Variants in SPOCK2 observed in about 807,000 individuals in gnomAD.
The protein encoded by SPOCK2 is SPARC (osteonectin), cwcv and kazal like domains proteoglycan 2, also known as testican-2.
A neutral mutation model predicts 60.1 loss-of-function variants in SPOCK2; 39 were observed. The observed-to-expected ratio is 0.65, with a 90% CI of 0.50 to 0.85. SPOCK2 has a LOEUF of 0.85. Among genes scored for constraint, SPOCK2 ranks in the 40% least tolerant of loss-of-function variants. The pLI is 0.00. For synonymous variants in SPOCK2, 217 were observed against 231.5 expected, an observed-to-expected ratio of 0.94 and a Z score of 0.57; for missense variants, 523 against 567.4, an observed-to-expected ratio of 0.92 and a Z score of 0.80.
rs1333724171 is a variant in SPOCK2 at position 72,061,388 on chromosome 10, G to C, written c.*1372C>G. The C allele has an allele frequency of 2.0e-5, 3 of 152,476 alleles. No individual in the cohort carries two copies. The highest frequency in any genetic ancestry group is 4.4e-5 in the Non-Finnish European group (3 of 68,260). 9.4% of individuals were successfully genotyped at this position (152,476 alleles called of 1,614,324 possible). A position where few individuals can be genotyped will look rare whatever the true frequency, so the allele number is the denominator to read the frequency against. On this transcript the variant is annotated 3_prime_UTR_variant, in exon 11 of 11. Transcript: ENST00000373109. Reference sequence around the variant, plus strand: ...GAAGCCCCTCTGCGGGGCAGCCCTAGGGAATCCTCAGAGGGGCCAGAAGGA... The same window carrying C: ...GAAGCCCCTCTGCGGGGCAGCCCTACGGAATCCTCAGAGGGGCCAGAAGGA...
rs1333572236 is a variant in SPOCK2, at chr10:72,087,564, T to C, written c.189+576A>G. Among the ~76,000 whole-genome samples, 1 of 152,050 alleles carries C rather than the reference T, an allele frequency of 6.6e-6. No homozygotes were observed. The highest frequency in any genetic ancestry group is 1.5e-5 in the Non-Finnish European group (1 of 67,990). ...CGGACACGCCTTCCACCATCTCGCCTAGAAGGCTGCTGGGACCCCAGACCC... is the reference window on the plus strand; with the variant it reads ...CGGACACGCCTTCCACCATCTCGCCCAGAAGGCTGCTGGGACCCCAGACCC... On this transcript the variant is annotated intron_variant, in intron 1 of 10. Coordinates refer to ENST00000373109, the MANE Select transcript of SPOCK2 (RefSeq NM_001244950.2). This position sits in a 1 kb window ranked among gnomAD's most constrained non-coding sequence, Gnocchi z 4.7.
At chr10:72,072,695 C>A (rs1564548280) in intron 2 of SPOCK2, 147 bp from the exon 3 acceptor site, 3 of 1,366,872 alleles carry the variant, frequency 2.2e-6, no homozygotes, top group Non-Finnish European at 3.1e-6. Context: ...CCACCCAGGC[C>A]CTGCCAGCTG....
chr10:72,062,642 TC>T lies in SPOCK2; in HGVS notation c.*117del, dbSNP rs1383483125. 11 of 1,501,972 alleles carry T rather than the reference TC, an allele frequency of 7.3e-6. No homozygotes were observed. In the East Asian group the frequency reaches 1.8e-4, roughly 25 times the overall value. The allele number at this position is 1,501,972 out of a possible 1,614,324, so 93.0% of individuals were successfully genotyped here. On this transcript the variant is annotated 3_prime_UTR_variant, in exon 11 of 11. Transcript: ENST00000373109. This position sits in a 1 kb window ranked among gnomAD's most constrained non-coding sequence, Gnocchi z 4.3. The stretch of plus-strand genomic sequence containing the variant: ...ATGCCATGCACACTCACACTCCCAG[TC>T]CCCCCAGGTGGAGCAGGGTCCTTCT...
At chr10:72,082,619 G>A (rs141306712) in intron 1 of SPOCK2, among the ~76,000 whole-genome samples, 193 of 152,066 alleles carry the variant, frequency 1.3e-3, no homozygotes, top group African/African-American at 4.1e-3. Context: ...TTTGGGAGGC[G>A]GAGGGGGGTG....
Position 72,070,385 on chromosome 10 carries a change from G to A in SPOCK2, c.401C>T (p.Ser134Phe). Residue 134 changes from serine to phenylalanine, a missense_variant, in exon 5 of 11, where the codon TCC (serine) becomes TTC (phenylalanine). Transcript: ENST00000373109. ...PTVKLHGNKD[S>F]ICKPCHMAQL... ...GGCCATGTGGCAGGGCTTGCAGATG[G>A]AGTCTTTGTTTCCATGGAGTTTCAC... is the stretch of plus-strand genomic sequence containing the variant. 6.2e-7 allele frequency: 1 copy of A among 1,614,218 alleles called. No homozygotes were observed.
rs1840860350 is a variant in SPOCK2, at chr10:72,086,689, G to C, written c.189+1451C>G. ...TGGACAGGTCGCATGTGGGGCGAAGGCGGAGATCAGCAGCCCATCGCGGGG... is the reference window on the plus strand; with the variant it reads ...TGGACAGGTCGCATGTGGGGCGAAGCCGGAGATCAGCAGCCCATCGCGGGG... On this transcript the variant is annotated intron_variant, in intron 1 of 10. Transcript: ENST00000373109. 10 of 1,320,040 alleles carry C rather than the reference G, an allele frequency of 7.6e-6. 1 individual carries two copies. Among genetic ancestry groups the C allele is most frequent in the Non-Finnish European group, 9.8e-6 (10 of 1,025,450 alleles). The allele number at this position is 1,320,040 out of a possible 1,614,324, so 81.8% of individuals were successfully genotyped here. A position where few individuals can be genotyped will look rare whatever the true frequency, so the allele number is the denominator to read the frequency against.
intron 8 of SPOCK2, among the ~76,000 whole-genome samples, chr10:72,066,342 CTTCT>C (rs1840567073): frequency 6.6e-6 from 1 of 150,400 alleles, no homozygotes; most frequent in Non-Finnish European, 1.5e-5. Flanking sequence ...TCTTTCTTTC[CTTCT>C]TTTTTTTTTT....
At chr10:72,086,931 G>A in intron 1 of SPOCK2, 1 of 1,551,664 alleles carries the variant, frequency 6.4e-7, no homozygotes, top group South Asian at 1.2e-5. Context: ...CGCAGTTTAA[G>A]GAGAAAACGG....
intron 1 of SPOCK2, chr10:72,086,597 G>A: frequency 8.5e-7 from 1 of 1,173,194 alleles, no homozygotes; most frequent in Non-Finnish European, 1.1e-6. Flanking sequence ...GCAGGAGACT[G>A]CGGCTCATCT....
chr10:72,063,026 G>T lies in SPOCK2; in HGVS notation c.1128C>A (p.Cys376Ter). Residue 376 changes from cysteine to a stop codon, truncating the protein, a stop_gained and splice_region_variant, in exon 10 of 11, where the codon TGC (cysteine) becomes TGA (stop). Transcript: ENST00000373109. LOFTEE classifies it high-confidence loss of function. Reference sequence around the variant, plus strand: ...GGCCCTGAGCTGCCCAGCCCGTACCGCAGTCGGGGCTCCCATGCGTGCGCG... The same window carrying T: ...GGCCCTGAGCTGCCCAGCCCGTACCTCAGTCGGGGCTCCCATGCGTGCGCG... ...TGTRTHGSPD[C>*]DDIVGFSGDF... 6.4e-7 allele frequency: 1 copy of T among 1,557,236 alleles called. No homozygotes were observed. The highest frequency in any genetic ancestry group is 8.7e-7 in the Non-Finnish European group (1 of 1,150,566).
intron 1 of SPOCK2, chr10:72,086,267 G>A: frequency 9.1e-6 from 9 of 987,130 alleles, no homozygotes; most frequent in Non-Finnish European, 1.1e-5. Flanking sequence ...GAGAGGAAGG[G>A]GGAAGTGGTT....
chr10:72,080,537 C>T (rs1332030891), intron 1 of SPOCK2, among the ~76,000 whole-genome samples: 7 of 151,990 alleles, frequency 4.6e-5, no homozygotes, highest in Non-Finnish European at 7.4e-5. Flanking sequence ...GATCCTCCTC[C>T]GCTGAGGATT....
intron 1 of SPOCK2, among the ~76,000 whole-genome samples, chr10:72,075,502 A>G (rs1564549142): frequency 6.6e-6 from 1 of 152,098 alleles, no homozygotes; most frequent in African/African-American, 2.4e-5. Context: ...TGCTGCCTTA[A>G]CCTCCAACCA....
rs1840459203 is a variant in SPOCK2, at chr10:72,059,096, T to C, written c.*3664A>G. On this transcript the variant is annotated 3_prime_UTR_variant, in exon 11 of 11. Transcript: ENST00000373109. ...AATAACATTTGATTTCCTTTATGCA[T>C]GTGTGGAGTGTACTTGTTTCCTTAG... The C allele has an allele frequency of 6.5e-6, 1 of 152,716 alleles. No homozygotes were observed. The highest frequency in any genetic ancestry group is 2.4e-5 in the African/African-American group (1 of 41,458). 9.5% of individuals were successfully genotyped at this position (152,716 alleles called of 1,614,324 possible).
At chr10:72,074,581 T>C (rs1464097418) in intron 1 of SPOCK2, among the ~76,000 whole-genome samples, 2 of 152,224 alleles carry the variant, frequency 1.3e-5, no homozygotes, top group Non-Finnish European at 2.9e-5. Flanking sequence ...CAGTGCCAGA[T>C]GGTTTTTATC....
At chr10:72,066,357 T>C (rs1840567370) in intron 8 of SPOCK2, among the ~76,000 whole-genome samples, 1 of 151,842 alleles carries the variant, frequency 6.6e-6, no homozygotes, top group Admixed American at 6.6e-5. Context: ...TTTTTTTTTT[T>C]AATAGGTTCT....
chr10:72,062,537 CCA>C lies in SPOCK2; in HGVS notation c.*221_*222del, dbSNP rs111643095. The C allele has an allele frequency of 0.017, 12,055 of 700,130 alleles. No homozygotes were observed. Among genetic ancestry groups the C allele is most frequent in the South Asian group, 0.032 (1,150 of 35,638 alleles). The allele number at this position is 700,130 out of a possible 1,614,324, so 43.4% of individuals were successfully genotyped here. On this transcript the variant is annotated 3_prime_UTR_variant, in exon 11 of 11. Coordinates refer to ENST00000373109, the MANE Select transcript of SPOCK2 (RefSeq NM_001244950.2). This position sits in a 1 kb window ranked among gnomAD's most constrained non-coding sequence, Gnocchi z 4.3. ...TCAAGGACACATTTGTCAGCGCATG[CCA>C]CACACACACACACATACACACATGC...
intron 1 of SPOCK2, among the ~76,000 whole-genome samples, chr10:72,073,149 G>A (rs1057176437): frequency 1.3e-5 from 2 of 152,200 alleles, no homozygotes; most frequent in Non-Finnish European, 1.5e-5. Flanking sequence ...GCAGGGGCCC[G>A]TGGCTTTGAG....
At chr10:72,082,326 G>C (rs1289382362) in intron 1 of SPOCK2, among the ~76,000 whole-genome samples, 1 of 152,234 alleles carries the variant, frequency 6.6e-6, no homozygotes, top group Non-Finnish European at 1.5e-5. Context: ...TGTGTATGCA[G>C]GCATAGGCCT....
Sources: gnomAD v4.1 joint callset for allele counts (sites outside exome capture counted in the v4.1 genomes callset) on GRCh38, gnomAD v4.1.1 for gene constraint, Gnocchi (gnomAD v3.1) non-coding constraint, MANE v1.5 for transcripts, NCBI Gene and HGNC (gene_info 2026-07-23, HGNC 2026-07-21) for gene names.